The following MSRA variants were observed in gnomAD, a reference collection of about 807,000 sequenced individuals.
MSRA encodes methionine sulfoxide reductase A, also known as mitochondrial peptide methionine sulfoxide reductase.
MSRA carries 54 observed loss-of-function variants against 31.3 expected under a neutral mutation model. That is an observed-to-expected ratio of 1.73 (90% CI 1.39 to 2.17). MSRA has a LOEUF of 2.17. Among genes scored for constraint, MSRA ranks in the 30% most tolerant of loss-of-function variants. The pLI is 0.00. For synonymous variants in MSRA, 169 were observed against 116.5 expected (o/e 1.45, Z -2.90); for missense variants, 507 against 300.9 (o/e 1.69, Z -5.07).
intron 5 of MSRA, among the ~76,000 whole-genome samples, chr8:10,423,075 A>C (rs1174776688): frequency 6.6e-6 from 1 of 152,166 alleles, no homozygotes; most frequent in East Asian, 1.9e-4. Context: ...AAGATTCAGT[A>C]GGTGATGTGG....
At chr8:10,067,447 G>A (rs990244985) in intron 1 of MSRA, among the ~76,000 whole-genome samples, 2 of 152,076 alleles carry the variant, frequency 1.3e-5, no homozygotes, top group Admixed American at 1.3e-4. Context: ...CACTTACATG[G>A]GGATCTATAA....
At position 10,118,537 on chromosome 8, in the gene MSRA, C is replaced by T. The variant is rs143877636; in HGVS notation, c.142+63879C>T. ...TTTCCCCCACCATAGAGTCCAAACT[C>T]GAGCCTAGTACCCAACATTCTTCAG... On this transcript the variant is annotated intron_variant, in intron 1 of 5. Coordinates refer to ENST00000317173, the MANE Select transcript of MSRA (RefSeq NM_012331.5). Among the ~76,000 whole-genome samples, 1,001 of 152,178 alleles carry T rather than the reference C, an allele frequency of 6.6e-3. 10 individuals are homozygous for T. Among genetic ancestry groups the T allele is most frequent in the Non-Finnish European group, 0.011 (775 of 67,992 alleles).
In MSRA at chr8:10,237,954, ATTTTGTAAAACATAAG is replaced by A. The variant is rs554034908; in HGVS notation, c.212-7145_212-7130del. On this transcript the variant is annotated intron_variant, in intron 2 of 5. Transcript: ENST00000317173. ...TTCTCAACCGAGGACAGCCAGAGTG[ATTTTGTAAAACATAAG>A]TTTTATCATTTCCTCTCCCGCTCAA... Among the ~76,000 whole-genome samples the A allele has an allele frequency of 5.8e-4, 89 of 152,274 alleles. 2 individuals carry two copies. The South Asian group carries it at 0.018, about 30-fold the overall frequency.
intron 2 of MSRA, among the ~76,000 whole-genome samples, chr8:10,242,620 A>C (rs76190188): frequency 0.023 from 3,478 of 152,306 alleles, 57 homozygotes; most frequent in Non-Finnish European, 0.034. Flanking sequence ...TAAAGAAAAT[A>C]GTGCATACTA....
At chr8:10,320,183 C>T in intron 5 of MSRA, 194 bp downstream of exon 5, 1 of 421,092 alleles carries the variant, frequency 2.4e-6, no homozygotes, top group African/African-American at 2.0e-5. Flanking sequence ...TAAGAGTAGG[C>T]CTGGGCCAGG....
intron 5 of MSRA, among the ~76,000 whole-genome samples, chr8:10,386,604 C>T (rs1009006603): frequency 2.0e-5 from 3 of 152,108 alleles, no homozygotes; most frequent in African/African-American, 7.2e-5. Flanking sequence ...TGCCAAGACA[C>T]AATTGTTGGG....
At chr8:10,221,791 C>G (rs1585203897) in intron 2 of MSRA, among the ~76,000 whole-genome samples, 1 of 145,412 alleles carries the variant, frequency 6.9e-6, no homozygotes, top group Admixed American at 7.0e-5. Flanking sequence ...ATAACATAGT[C>G]AGAGAAGTCA....
intron 5 of MSRA, among the ~76,000 whole-genome samples, chr8:10,361,773 T>A (rs778597057): frequency 2.0e-4 from 31 of 152,352 alleles, no homozygotes; most frequent in Non-Finnish European, 3.8e-4. Flanking sequence ...AGAAAATCAC[T>A]TAATAAATAT....
At chr8:10,310,262 C>G (rs1330598391) in intron 4 of MSRA, among the ~76,000 whole-genome samples, 1 of 152,136 alleles carries the variant, frequency 6.6e-6, no homozygotes, top group African/African-American at 2.4e-5. Flanking sequence ...GCAAAAGCTA[C>G]CCAAACCCAG....
At chr8:10,365,691 G>A (rs547829359) in intron 5 of MSRA, among the ~76,000 whole-genome samples, 8 of 152,300 alleles carry the variant, frequency 5.3e-5, no homozygotes, top group East Asian at 1.9e-4. Context: ...CAGTTGTCCC[G>A]GTTTCAGGGA....
At chr8:10,075,832 A>T (rs1409005893) in intron 1 of MSRA, among the ~76,000 whole-genome samples, 2 of 152,178 alleles carry the variant, frequency 1.3e-5, no homozygotes, top group Non-Finnish European at 2.9e-5. Flanking sequence ...TTTTTCTCCC[A>T]TGGGTACCAC....
intron 3 of MSRA, among the ~76,000 whole-genome samples, chr8:10,274,907 T>A (rs1364460720): frequency 6.6e-6 from 1 of 152,154 alleles, no homozygotes; most frequent in Non-Finnish European, 1.5e-5. Flanking sequence ...ATCCAACCAT[T>A]CGTCTATCTT....
chr8:10,315,675 A>T (rs1217735657), intron 4 of MSRA, among the ~76,000 whole-genome samples: 1 of 152,238 alleles, frequency 6.6e-6, no homozygotes, highest in Non-Finnish European at 1.5e-5. Context: ...TTTCAATGTA[A>T]GCATGTTGTA....
At chr8:10,141,869 C>A (rs1036499615) in intron 1 of MSRA, among the ~76,000 whole-genome samples, 4 of 152,198 alleles carry the variant, frequency 2.6e-5, no homozygotes, top group African/African-American at 9.7e-5. Context: ...CTGTGCCTAG[C>A]TGGTAGTAGG....
chr8:10,075,445 T>A (rs1010119972), intron 1 of MSRA, among the ~76,000 whole-genome samples: 5 of 152,210 alleles, frequency 3.3e-5, no homozygotes, highest in Non-Finnish European at 5.9e-5. Flanking sequence ...GTCCAGTGGC[T>A]GACTTTCCAA....
intron 3 of MSRA, among the ~76,000 whole-genome samples, chr8:10,282,196 C>T (rs1295050735): frequency 6.6e-6 from 1 of 152,182 alleles, no homozygotes; most frequent in African/African-American, 2.4e-5. Flanking sequence ...AAACATTCTC[C>T]TCTCACCAGC....
chr8:10,193,094 A>G (rs1488027946), intron 1 of MSRA, among the ~76,000 whole-genome samples: 1 of 152,250 alleles, frequency 6.6e-6, no homozygotes, highest in Non-Finnish European at 1.5e-5. Context: ...ACCTATCAAG[A>G]CATAATTCTC....
rs1803220287 is a variant in MSRA at position 10,338,734 on chromosome 8, C to T, written c.543+18745C>T. Among the ~76,000 whole-genome samples the T allele has an allele frequency of 2.0e-5, 3 of 152,144 alleles. No individual in the cohort carries two copies. The South Asian group carries it at 6.2e-4, about 31-fold the overall frequency. ...CATAGAAATTCTCCAAGAAGTGCCA[C>T]CTGTGTACTGAAAGCCCCTTTAATG... On this transcript the variant is annotated intron_variant, in intron 5 of 5. Transcript: ENST00000317173.
At chr8:10,079,286 A>ATT (rs1798161232) in intron 1 of MSRA, among the ~76,000 whole-genome samples, 1 of 152,004 alleles carries the variant, frequency 6.6e-6, no homozygotes, top group South Asian at 2.1e-4. Flanking sequence ...AGCCTCCCAC[A>ATT]TAGCTGGGAC....
Sources: allele counts gnomAD v4.1 joint callset (sites outside exome capture counted in the v4.1 genomes callset), GRCh38; gene constraint gnomAD v4.1.1; transcripts MANE v1.5; gene names NCBI Gene and HGNC (gene_info 2026-07-23, HGNC 2026-07-21).